The following NOP9 variants were observed in gnomAD, a reference collection of about 807,000 sequenced individuals.
NOP9 encodes nucleolar protein 9.
NOP9 carries 50 observed loss-of-function variants against 63.0 expected under a neutral mutation model. That is an observed-to-expected ratio of 0.79 (90% confidence interval 0.63 to 1.00). The LOEUF is 1.00. Ranked by LOEUF, NOP9 falls within the 50% of genes least tolerant of loss-of-function variation. NOP9 has a pLI of 0.00. For missense variants in NOP9, 758 were observed against 803.0 expected, an observed-to-expected ratio of 0.94 and a Z score of 0.68; for synonymous variants, 343 against 332.8, an observed-to-expected ratio of 1.03 and a Z score of -0.33.
At chr14:24,292,678 C>T in the NOP9 span, 14 of 1,614,214 alleles carry the variant, frequency 8.7e-6, no homozygotes, top group Non-Finnish European at 1.2e-5. Context: ...CCATAGGGGA[C>T]ATTGAACATA....
rs2041469815 is a variant in NOP9, at chr14:24,305,509, G to A, written c.*414G>A. On this transcript the variant is annotated 3_prime_UTR_variant, in exon 10 of 10. Transcript: ENST00000267425. ...AAGGTTCTGTCACGAGGGGATCAGAGGACAGTGGGGAAATTGGGTGGGTTA... is the reference window on the plus strand; with the variant it reads ...AAGGTTCTGTCACGAGGGGATCAGAAGACAGTGGGGAAATTGGGTGGGTTA... 8.4e-7 allele frequency: 1 copy of A among 1,192,770 alleles called. No homozygotes were observed. Among genetic ancestry groups the A allele is most frequent in the Non-Finnish European group, 1.2e-6 (1 of 845,604 alleles). The allele number at this position is 1,192,770 out of a possible 1,614,324, so 73.9% of individuals were successfully genotyped here.
At chr14:24,299,818 GA>G (rs2041332122), upstream of NOP9, 1 of 1,162,168 alleles carries the variant, frequency 8.6e-7, no homozygotes, top group Non-Finnish European at 1.2e-6. Flanking sequence ...GGGCGGCGCG[GA>G]ACTATGACGT....
chr14:24,288,291 C>T, the NOP9 span, among the ~76,000 whole-genome samples: 1 of 152,128 alleles, frequency 6.6e-6, no homozygotes. Flanking sequence ...TATCCTGAAG[C>T]CAAGAATGGT....
chr14:24,291,852 T>C, the NOP9 span: 1 of 613,710 alleles, frequency 1.6e-6, no homozygotes, highest in Admixed American at 2.9e-5. Flanking sequence ...CTTTGCTAAG[T>C]GGAAGGATCT....
chr14:24,290,900 C>T, the NOP9 span: 1 of 1,613,740 alleles, frequency 6.2e-7, no homozygotes, highest in Admixed American at 1.7e-5. Context: ...CACTTGGGCA[C>T]ACGGAGGAAG....
chr14:24,298,281 G>T (rs1233671465), upstream of NOP9, among the ~76,000 whole-genome samples: 3 of 152,172 alleles, frequency 2.0e-5, no homozygotes, highest in African/African-American at 7.2e-5. Context: ...CCAACTGCTG[G>T]CCTCAAGTGA....
the NOP9 span, among the ~76,000 whole-genome samples, chr14:24,277,150 G>C: frequency 3.3e-5 from 5 of 152,182 alleles, no homozygotes; most frequent in Non-Finnish European, 7.3e-5. Flanking sequence ...AAGGGAACTG[G>C]GAGGAAGGCT....
At chr14:24,273,022 A>G in the NOP9 span, among the ~76,000 whole-genome samples, 1 of 152,204 alleles carries the variant, frequency 6.6e-6, no homozygotes, top group African/African-American at 2.4e-5. Flanking sequence ...CCTACTGCAA[A>G]GAAGGTTTTC....
chr14:24,299,799 G>GC (rs2041331757), upstream of NOP9: 11 of 990,946 alleles, frequency 1.1e-5, no homozygotes, highest in South Asian at 1.5e-4. Flanking sequence ...CACCCACCCC[G>GC]CCCGGCTGGG....
At chr14:24,287,651 T>C in the NOP9 span, among the ~76,000 whole-genome samples, 2 of 152,228 alleles carry the variant, frequency 1.3e-5, no homozygotes, top group Non-Finnish European at 2.9e-5. Flanking sequence ...GCTGTTCTGC[T>C]ACTTTTGTGT....
At chr14:24,299,544 T>G, upstream of NOP9, 1 of 218,116 alleles carries the variant, frequency 4.6e-6, no homozygotes. Context: ...AGCCTGGAGA[T>G]CCTAAGCCCT....
At chr14:24,304,708 G>C in intron 9 of NOP9, 110 bp downstream of exon 9, 1 of 996,506 alleles carries the variant, frequency 1.0e-6, no homozygotes, top group Non-Finnish European at 1.4e-6. Flanking sequence ...GTTCCAAAGG[G>C]TGGTCTTGCT....
rs765375976 is a variant in NOP9 at position 24,303,839 on chromosome 14, A to G, written c.1392A>G (p.Ala464=). The G allele has an allele frequency of 5.6e-6, 9 of 1,614,026 alleles. No homozygotes were observed. The highest frequency in any genetic ancestry group is 5.0e-5 in the Admixed American group (3 of 60,000). Residue 464 remains alanine, a synonymous_variant, in exon 7 of 10, where the codon GCA becomes GCG. Transcript: ENST00000267425. ...VYYGLTEEEG[A]VPAEHQVAMA... ...ATGGACTGACGGAGGAGGAGGGGGC[A>G]GTGCCTGCAGAGCACCAGGTGAGGT... is the stretch of plus-strand genomic sequence containing the variant.
chr14:24,300,658 G>GGAA lies in NOP9; in HGVS notation c.500_501insAGA (p.Glu169dup), dbSNP rs755234150. On this transcript the variant is annotated inframe_insertion, in exon 2 of 10. Transcript: ENST00000267425. The stretch of plus-strand genomic sequence containing the variant: ...GGAGTGCTGCAGAGGAGGAGGAGGA[G>GGAA]GAGGAGGAGGATGGAAAGGATGGTC... 20 of 1,613,548 alleles carry GGAA rather than the reference G, an allele frequency of 1.2e-5. No homozygotes were observed. In the African/African-American group the frequency reaches 2.0e-4, roughly 16 times the overall value.
chr14:24,280,002 C>T, the NOP9 span, among the ~76,000 whole-genome samples: 2 of 152,140 alleles, frequency 1.3e-5, no homozygotes, highest in East Asian at 1.9e-4. Context: ...AAAGAGGAAC[C>T]GCTCCTTTTG....
chr14:24,302,989 AGTTGTTTTC>A, intron 5 of NOP9, 76 bp from the exon 6 acceptor site: 1 of 1,415,700 alleles, frequency 7.1e-7, no homozygotes. Context: ...TAGCATTTTT[AGTTGTTTTC>A]GTTGGGAAGA....
rs1287811600 is a variant in NOP9 at position 24,305,699 on chromosome 14, G to C, written c.*604G>C. The C allele has an allele frequency of 3.7e-6, 6 of 1,614,212 alleles. No individual in the cohort carries two copies. Among genetic ancestry groups the C allele is most frequent in the Non-Finnish European group, 5.1e-6 (6 of 1,180,034 alleles). ...CCCCCTCCACTGCATGACGAAGGGT[G>C]GAGGAAATTCCCAGCAACATATGGC... is the stretch of plus-strand genomic sequence containing the variant. On this transcript the variant is annotated 3_prime_UTR_variant, in exon 10 of 10. Coordinates refer to ENST00000267425, the MANE Select transcript of NOP9 (RefSeq NM_174913.3).
the NOP9 span, among the ~76,000 whole-genome samples, chr14:24,274,340 A>C: frequency 6.6e-6 from 1 of 152,164 alleles, no homozygotes; most frequent in African/African-American, 2.4e-5. Flanking sequence ...TCATGAAAAA[A>C]TCTGCATCAG....
At chr14:24,290,977 T>C in the NOP9 span, 7 of 1,613,844 alleles carry the variant, frequency 4.3e-6, no homozygotes, top group Admixed American at 8.3e-5. Flanking sequence ...CAAAGACAAA[T>C]AGTCTTGGAC....
Sources: gnomAD v4.1 joint callset for allele counts (sites outside exome capture counted in the v4.1 genomes callset) on GRCh38, gnomAD v4.1.1 for gene constraint, MANE v1.5 for transcripts, NCBI Gene and HGNC (gene_info 2026-07-23, HGNC 2026-07-21) for gene names.